Variants in FOXN3 observed in about 807,000 individuals in gnomAD.
FOXN3 encodes forkhead box protein N3.
Under a neutral mutation model 38.4 loss-of-function variants are expected in FOXN3, and 7 were observed. The ratio of observed to expected loss-of-function variants is 0.18; its 90% CI spans 0.10 to 0.34. The LOEUF (loss-of-function observed/expected upper bound fraction) is 0.34. FOXN3 is among the 10% of genes least tolerant of loss of function. FOXN3 has a pLI of 1.00. For synonymous variants in FOXN3, 230 were observed against 242.2 expected (o/e 0.95, Z 0.47); for missense variants, 456 against 613.4 (o/e 0.74, Z 2.71).
chr14:89,230,251 C>G (rs145465850), intron 4 of FOXN3, among the ~76,000 whole-genome samples: 2 of 152,278 alleles, frequency 1.3e-5, no homozygotes, highest in Admixed American at 6.5e-5. Context: ...TTTCTATATC[C>G]CAGGGATCTA....
rs535452082 is a variant in FOXN3, at chr14:89,447,693, A to G, written c.-14-35203T>C. 4.0e-4 allele frequency among the ~76,000 whole-genome samples: 61 copies of G among 152,186 alleles called. 1 individual carries two copies. The South Asian group carries it at 0.012, about 30-fold the overall frequency. ...GCACAAAAAAACCCAGTCTTTCCAC[A>G]TAAACAGTGACCCACACCAAATCTG... On this transcript the variant is annotated intron_variant, in intron 1 of 6. Coordinates refer to the FOXN3 transcript ENST00000345097.
chr14:89,454,765 G>C (rs1252061455), intron 1 of FOXN3, among the ~76,000 whole-genome samples: 1 of 152,198 alleles, frequency 6.6e-6, no homozygotes, highest in Non-Finnish European at 1.5e-5. Flanking sequence ...TGATTGGTTA[G>C]AATGTTAATG....
At chr14:89,480,283 G>A (rs1255565753) in intron 1 of FOXN3, among the ~76,000 whole-genome samples, 4 of 151,996 alleles carry the variant, frequency 2.6e-5, no homozygotes, top group Non-Finnish European at 4.4e-5. Context: ...GGCGCCTGTA[G>A]TCCCAGCTAC....
intron 1 of FOXN3, chr14:89,493,971 C>T (rs1000656493): frequency 6.6e-6 from 1 of 151,972 alleles, no homozygotes; most frequent in African/African-American, 2.4e-5. Flanking sequence ...GATATTTACC[C>T]AAGCAAGGAC....
At chr14:89,280,024 C>T (rs1886411621) in intron 4 of FOXN3, among the ~76,000 whole-genome samples, 1 of 152,080 alleles carries the variant, frequency 6.6e-6, no homozygotes, top group Non-Finnish European at 1.5e-5. Context: ...CACTAAAATC[C>T]CTCACCATAA....
intron 4 of FOXN3, 109 bp from the exon 5 acceptor site, chr14:89,180,915 G>GCAGAGAACATGCATGGA: frequency 4.3e-6 from 3 of 694,888 alleles, no homozygotes; most frequent in Non-Finnish European, 4.9e-6. Context: ...AGAGACAGAG[G>GCAGAGAACATGCATGGA]GCAGAGACAG....
In FOXN3 at chr14:89,156,630, T is replaced by C. The variant is rs1342973922; in HGVS notation, c.*5784A>G. On this transcript the variant is annotated 3_prime_UTR_variant, in exon 6 of 6. Coordinates refer to ENST00000557258, the MANE Select transcript of FOXN3 (RefSeq NM_005197.4). ...AAACCTCTTGGTCTTCTGATTGCTT[T>C]ATCACTTTTTTTTTTTTTCTGTAAA... is the stretch of plus-strand genomic sequence containing the variant. 1.3e-5 allele frequency: 2 copies of C among 151,998 alleles called. No individual in the cohort carries two copies. Among genetic ancestry groups the C allele is most frequent in the African/African-American group, 4.8e-5 (2 of 41,352 alleles). 9.4% of individuals were successfully genotyped at this position (151,998 alleles called of 1,614,324 possible).
rs570962227 is a variant in FOXN3, at chr14:89,304,774, C to T, written c.681-23760G>A. 2.0e-5 allele frequency among the ~76,000 whole-genome samples: 3 copies of T among 152,098 alleles called. No individual in the cohort carries two copies. In the East Asian group the frequency reaches 5.8e-4, roughly 29 times the overall value. On this transcript the variant is annotated intron_variant, in intron 3 of 5. Coordinates refer to ENST00000557258, the MANE Select transcript of FOXN3 (RefSeq NM_005197.4). ...AAACTTGGCTTAAGCACTGGTGTCT[C>T]CCAGACCTTCTGCACAGAGCTGGGA...
chr14:89,366,686 C>G (rs764506736), intron 2 of FOXN3, among the ~76,000 whole-genome samples: 75 of 152,120 alleles, frequency 4.9e-4, no homozygotes, highest in Non-Finnish European at 7.6e-4. Flanking sequence ...CAGCTGACAG[C>G]CAGCTCTGAC....
chr14:89,324,443 CGTGTGTGTGTGT>C (rs71130053), intron 3 of FOXN3, among the ~76,000 whole-genome samples: 3,848 of 143,490 alleles, frequency 0.027, 114 homozygotes, highest in African/African-American at 0.083. Context: ...TAAGTGTGTG[CGTGTGTGTGTGT>C]GTGTGTGTGT....
At chr14:89,292,797 G>C (rs759363) in intron 3 of FOXN3, among the ~76,000 whole-genome samples, 49,581 of 151,920 alleles carry the variant, frequency 0.33, 8,179 homozygotes, top group Admixed American at 0.39. Context: ...AGACTAAGAC[G>C]AGCGGTCACT....
At chr14:89,356,606 G>C (rs1051936596) in intron 2 of FOXN3, 2 of 152,110 alleles carry the variant, frequency 1.3e-5, no homozygotes, top group Admixed American at 1.3e-4. Context: ...TGGTGATCTT[G>C]AAACAATAGC....
chr14:89,511,939 G>C (rs1894102646), intron 1 of FOXN3, among the ~76,000 whole-genome samples: 1 of 152,144 alleles, frequency 6.6e-6, no homozygotes, highest in Admixed American at 6.5e-5. Context: ...AGAACAGGAT[G>C]GGGAAAACTG....
At chr14:89,262,575 C>T (rs184566980) in intron 4 of FOXN3, among the ~76,000 whole-genome samples, 22 of 152,226 alleles carry the variant, frequency 1.4e-4, no homozygotes, top group African/African-American at 4.6e-4. Flanking sequence ...GGGTAACTAA[C>T]CTTAACTAAA....
chr14:89,198,538 A>G (rs1448470650), intron 4 of FOXN3, among the ~76,000 whole-genome samples: 1 of 152,232 alleles, frequency 6.6e-6, no homozygotes, highest in Non-Finnish European at 1.5e-5. Context: ...TGCTGAGTAG[A>G]TCTGCATTAA....
chr14:89,432,564 A>G (rs181856164), intron 1 of FOXN3, among the ~76,000 whole-genome samples: 4 of 152,308 alleles, frequency 2.6e-5, no homozygotes, highest in Admixed American at 2.6e-4. Context: ...GAGGACACCA[A>G]GGCTTCAAGA....
At chr14:89,223,709 G>A (rs888534745) in intron 4 of FOXN3, among the ~76,000 whole-genome samples, 6 of 152,220 alleles carry the variant, frequency 3.9e-5, no homozygotes, top group Non-Finnish European at 8.8e-5. Context: ...GGGAAGAGAC[G>A]TTTCCAAAGA....
intron 3 of FOXN3, among the ~76,000 whole-genome samples, chr14:89,327,254 T>A (rs574793406): frequency 6.6e-6 from 1 of 152,236 alleles, no homozygotes; most frequent in East Asian, 1.9e-4. Context: ...GAGAGAAGAA[T>A]GCTCCAAATA....
At chr14:89,432,095 A>G (rs1223418889) in intron 1 of FOXN3, among the ~76,000 whole-genome samples, 5 of 152,218 alleles carry the variant, frequency 3.3e-5, no homozygotes, top group African/African-American at 1.2e-4. Context: ...ATCATAAAGA[A>G]CATCGCATTG....
Sources: gnomAD v4.1 joint callset for allele counts (sites outside exome capture counted in the v4.1 genomes callset) on GRCh38, gnomAD v4.1.1 for gene constraint, MANE v1.5 for transcripts, NCBI Gene and HGNC (gene_info 2026-07-23, HGNC 2026-07-21) for gene names.